Variants in CSMD1 observed in about 807,000 individuals in gnomAD.
CSMD1 encodes CUB and sushi domain-containing protein 1.
CSMD1 carries 213 observed loss-of-function variants against 417.5 expected under a neutral mutation model. The observed-to-expected ratio is 0.51, with a 90% CI of 0.46 to 0.57. The LOEUF (loss-of-function observed/expected upper bound fraction) is 0.57. Ranked by LOEUF, CSMD1 falls within the 20% of genes least tolerant of loss-of-function variation. The pLI is 0.00. For synonymous variants in CSMD1, 2,862 were observed against 1,736.8 expected (o/e 1.65, Z -16.11); for missense variants, 6,923 against 4,529.7 (o/e 1.53, Z -15.17).
intron 25 of CSMD1, among the ~76,000 whole-genome samples, chr8:3,299,695 G>A (rs1034462464): frequency 1.3e-5 from 2 of 152,164 alleles, no homozygotes; most frequent in African/African-American, 2.4e-5. Flanking sequence ...ATGCAGGTGG[G>A]AGGTGAAGTG....
intron 1 of CSMD1, among the ~76,000 whole-genome samples, chr8:4,719,794 C>A (rs935511660): frequency 1.3e-4 from 20 of 152,202 alleles, no homozygotes; most frequent in Admixed American, 9.8e-4. Flanking sequence ...CCTTTGAGAG[C>A]TTGAACTATT....
At chr8:3,591,149 C>T (rs2449179) in intron 8 of CSMD1, among the ~76,000 whole-genome samples, 131,694 of 152,158 alleles carry the variant, frequency 0.87, 57,327 homozygotes, top group African/African-American at 0.9. Context: ...ACTGGAGAAC[C>T]GATTTTGTGT....
At chr8:4,141,191 C>A (rs112730335) in intron 3 of CSMD1, among the ~76,000 whole-genome samples, 1 of 151,124 alleles carries the variant, frequency 6.6e-6, no homozygotes, top group South Asian at 2.1e-4. Context: ...TTATTCCCAG[C>A]CTTGTGATCT....
chr8:3,574,561 T>C (rs1800068931), intron 10 of CSMD1, among the ~76,000 whole-genome samples: 1 of 152,208 alleles, frequency 6.6e-6, no homozygotes, highest in Non-Finnish European at 1.5e-5. Context: ...GACAGTATTT[T>C]TGTGTCTGAG....
chr8:4,024,193 G>A (rs1030897573), intron 4 of CSMD1, among the ~76,000 whole-genome samples: 3 of 152,084 alleles, frequency 2.0e-5, no homozygotes, highest in African/African-American at 7.2e-5. Context: ...AAATATAACA[G>A]ATAGTAAGAA....
intron 1 of CSMD1, among the ~76,000 whole-genome samples, chr8:4,815,266 G>T (rs1030950800): frequency 6.6e-6 from 1 of 150,910 alleles, no homozygotes; most frequent in Non-Finnish European, 1.5e-5. Context: ...TATTTGAATT[G>T]GCTTCAAACC....
intron 1 of CSMD1, among the ~76,000 whole-genome samples, chr8:4,981,641 T>C (rs185576187): frequency 7.9e-5 from 12 of 152,318 alleles, no homozygotes; most frequent in Admixed American, 2.6e-4. Context: ...GACTGTGAGA[T>C]GATCTTTTTA....
Position 3,118,563 on chromosome 8 carries a change from T to G in CSMD1, c.6266A>C (p.Asp2089Ala). The G allele has an allele frequency of 6.2e-6, 10 of 1,613,516 alleles. No homozygotes were observed. The highest frequency in any genetic ancestry group is 6.8e-6 in the Non-Finnish European group (8 of 1,179,750). ...GTACCCATTCTGAAATGGGGGTGGA[T>G]CTGGACAGTTCTGTAATTCATAGGC... ...YQAYELQNCP[D>A]PPPFQNGYMI... The change falls in exon 42 of 70, where the codon GAT becomes GCT. Residue 2089 changes from aspartate (D) to alanine (A), a missense_variant. By Grantham distance (126) the Asp-to-Ala change is moderately radical (BLOSUM62 -2). Transcript: ENST00000635120.
At chr8:4,361,831 T>A (rs1801784630) in intron 3 of CSMD1, among the ~76,000 whole-genome samples, 1 of 152,054 alleles carries the variant, frequency 6.6e-6, no homozygotes, top group Admixed American at 6.5e-5. Context: ...GCGGGGCGCC[T>A]GTACTCCCAG....
At chr8:3,607,712 G>T (rs1391824502) in intron 8 of CSMD1, among the ~76,000 whole-genome samples, 3 of 152,174 alleles carry the variant, frequency 2.0e-5, no homozygotes, top group Admixed American at 1.3e-4. Context: ...AAATTTTACG[G>T]AGAACTATTC....
chr8:3,896,543 G>T (rs185553209), intron 5 of CSMD1, among the ~76,000 whole-genome samples: 1 of 151,586 alleles, frequency 6.6e-6, no homozygotes, highest in African/African-American at 2.4e-5. Flanking sequence ...ACAGAGTCTC[G>T]CTCTGTCACC....
chr8:4,940,296 T>A (rs749608653), intron 1 of CSMD1, among the ~76,000 whole-genome samples: 23 of 152,214 alleles, frequency 1.5e-4, no homozygotes, highest in Non-Finnish European at 2.5e-4. Context: ...CAGAGTAAAA[T>A]GATATGGCTT....
rs187055103 is a variant in CSMD1, at chr8:4,433,717, C to G, written c.303-13652G>C. Among the ~76,000 whole-genome samples the G allele has an allele frequency of 1.0e-3, 154 of 152,304 alleles. 2 individuals are homozygous for G. The highest frequency in any genetic ancestry group is 3.5e-3 in the African/African-American group (144 of 41,572). ...GCATGTGAATATATAAAATTCCCAT[C>G]TTTTGATTGAAAAATAACATTTATT... On this transcript the variant is annotated intron_variant, in intron 2 of 69. Coordinates refer to ENST00000635120, the MANE Select transcript of CSMD1 (RefSeq NM_033225.6).
chr8:4,593,952 G>A (rs1036406177), intron 2 of CSMD1, among the ~76,000 whole-genome samples: 4 of 152,008 alleles, frequency 2.6e-5, no homozygotes, highest in African/African-American at 4.8e-5. Flanking sequence ...GGAGGATCAC[G>A]TTCCCTCCAA....
At chr8:4,383,767 C>CA (rs57639911) in intron 3 of CSMD1, among the ~76,000 whole-genome samples, 17,594 of 152,092 alleles carry the variant, frequency 0.12, 1,091 homozygotes, top group South Asian at 0.2. Flanking sequence ...TTTCTATCAG[C>CA]ATCACCATTT....
rs145574101 is a variant in CSMD1, at chr8:3,715,257, C to T, written c.932-6766G>A. Among the ~76,000 whole-genome samples the T allele has an allele frequency of 3.8e-3, 573 of 152,274 alleles. 2 individuals carry two copies. Among genetic ancestry groups the T allele is most frequent in the African/African-American group, 0.013 (555 of 41,552 alleles). ...GTAAGCGTTGAGCCAATTTCCTATTCTCTGCTAATTATTGTTAACGTGTGA... is the reference window on the plus strand; with the variant it reads ...GTAAGCGTTGAGCCAATTTCCTATTTTCTGCTAATTATTGTTAACGTGTGA... On this transcript the variant is annotated intron_variant, in intron 6 of 69. Transcript: ENST00000635120.
At position 3,811,935 on chromosome 8, in the gene CSMD1, C is replaced by T. The variant is rs1354010673; in HGVS notation, c.819-57893G>A. ...TAACAAAGCACATATAGATAAAAGT[C>T]CTGGAAAGGCTTTTGTTTGTTTTTG... is the stretch of plus-strand genomic sequence containing the variant. On this transcript the variant is annotated intron_variant, in intron 5 of 69. Transcript: ENST00000635120. Among the ~76,000 whole-genome samples the T allele has an allele frequency of 3.9e-5, 6 of 152,188 alleles. No individual in the cohort carries two copies. The East Asian group carries it at 1.2e-3, about 29-fold the overall frequency.
chr8:3,978,885 T>C (rs1813641673), intron 5 of CSMD1, among the ~76,000 whole-genome samples: 1 of 152,110 alleles, frequency 6.6e-6, no homozygotes, highest in African/African-American at 2.4e-5. Flanking sequence ...AGGAACACAA[T>C]ATGGGAACAG....
chr8:4,811,160 T>C (rs988270223), intron 1 of CSMD1, among the ~76,000 whole-genome samples: 3 of 152,196 alleles, frequency 2.0e-5, no homozygotes, highest in Non-Finnish European at 4.4e-5. Context: ...TGTAGTGGCA[T>C]CAACCATCAC....
Sources: gnomAD v4.1 joint callset for allele counts (sites outside exome capture counted in the v4.1 genomes callset) on GRCh38, gnomAD v4.1.1 for gene constraint, MANE v1.5 for transcripts, NCBI Gene and HGNC (gene_info 2026-07-23, HGNC 2026-07-21) for gene names.